Variants in ANKRD18A observed in about 807,000 individuals in gnomAD.
ANKRD18A encodes the protein ankyrin repeat domain-containing protein 18A.
In ANKRD18A, 72 loss-of-function variants were observed where a neutral mutation model predicts 110.6. That is an observed-to-expected ratio of 0.65 (90% CI 0.54 to 0.79). ANKRD18A has a LOEUF of 0.79. ANKRD18A is among the 30% of genes least tolerant of loss of function. ANKRD18A has a pLI of 0.00. For missense variants in ANKRD18A, 934 were observed against 1,163.3 expected, an observed-to-expected ratio of 0.80 and a Z score of 2.87; for synonymous variants, 305 against 410.3, an observed-to-expected ratio of 0.74 and a Z score of 3.10.
rs375586322 is a variant in ANKRD18A at position 38,615,717 on chromosome 9, G to A, written c.372C>T (p.Gly124=). Residue 124 remains glycine (G), a synonymous_variant, in exon 3 of 16, where the codon GGC becomes GGT. Coordinates refer to ENST00000399703, the MANE Select transcript of ANKRD18A (RefSeq NM_147195.4). Reference sequence around the variant, plus strand: ...AGATATCCTCAATGTTTGGATTGGCGCCACATTCCAGGAGAACGATGGCAC... The same window carrying A: ...AGATATCCTCAATGTTTGGATTGGCACCACATTCCAGGAGAACGATGGCAC... The part of the protein sequence containing the change: ...EACAIVLLEC[G]ANPNIEDIYG... The A allele has an allele frequency of 5.3e-5, 86 of 1,612,728 alleles. No individual in the cohort carries two copies. Among genetic ancestry groups the A allele is most frequent in the African/African-American group, 1.1e-4 (8 of 74,886 alleles).
downstream of ANKRD18A, among the ~76,000 whole-genome samples, chr9:38,570,954 G>A (rs1470399879): frequency 6.6e-6 from 1 of 152,244 alleles, no homozygotes; most frequent in Non-Finnish European, 1.5e-5. Flanking sequence ...TGGCAGACAA[G>A]ACATCCTGTG....
At chr9:38,583,899 G>A (rs1824264296) in intron 12 of ANKRD18A, among the ~76,000 whole-genome samples, 1 of 152,188 alleles carries the variant, frequency 6.6e-6, no homozygotes, top group South Asian at 2.1e-4. Flanking sequence ...AGGCCCACAA[G>A]TGTCTACACC....
chr9:38,576,599 C>G (rs1156302652), intron 14 of ANKRD18A, among the ~76,000 whole-genome samples: 7 of 152,158 alleles, frequency 4.6e-5, no homozygotes, highest in Admixed American at 4.6e-4. Context: ...AGATCACAAT[C>G]AAAAACAGTC....
chr9:38,613,612 C>A (rs1415919038), intron 3 of ANKRD18A, among the ~76,000 whole-genome samples: 1 of 152,140 alleles, frequency 6.6e-6, no homozygotes, highest in Non-Finnish European at 1.5e-5. Flanking sequence ...ACCAAATGGA[C>A]AATTAGTTCA....
At chr9:38,617,302 C>T (rs1359541761) in intron 1 of ANKRD18A, among the ~76,000 whole-genome samples, 11 of 151,894 alleles carry the variant, frequency 7.2e-5, no homozygotes, top group Non-Finnish European at 1.3e-4. Flanking sequence ...TAGCTGGGTG[C>T]GGTGGCAGGC....
At chr9:38,609,996 C>G (rs1206810140) in intron 5 of ANKRD18A, among the ~76,000 whole-genome samples, 1 of 150,836 alleles carries the variant, frequency 6.6e-6, no homozygotes, top group East Asian at 1.9e-4. Context: ...GACATTATTT[C>G]TATCTCACAT....
At chr9:38,582,946 A>G (rs1824224927) in intron 12 of ANKRD18A, among the ~76,000 whole-genome samples, 1 of 152,264 alleles carries the variant, frequency 6.6e-6, no homozygotes. Context: ...TATAGGATAT[A>G]TAAAGAACCC....
At chr9:38,569,219 G>A, downstream of ANKRD18A, 2 of 980,846 alleles carry the variant, frequency 2.0e-6, no homozygotes, top group Non-Finnish European at 2.4e-6. Flanking sequence ...GGTCCTGGGG[G>A]TGTCCAGAGG....
rs372036469 is a variant in ANKRD18A at position 38,603,365 on chromosome 9, G to A, written c.809-153C>T. On this transcript the variant is annotated intron_variant, in intron 6 of 15. Coordinates refer to ENST00000399703, the MANE Select transcript of ANKRD18A (RefSeq NM_147195.4). ...CACTCATCACCACAAATTTAAAAGT[G>A]AATGGCATCTAATGAACATACCAAA... Among the ~76,000 whole-genome samples, 8 of 152,230 alleles carry A rather than the reference G, an allele frequency of 5.3e-5. No individual in the cohort carries two copies. In the South Asian group the frequency reaches 1.0e-3, roughly 20 times the overall value.
Position 38,595,587 on chromosome 9 carries a change from T to C in ANKRD18A, c.1753A>G (p.Lys585Glu). The stretch of plus-strand genomic sequence containing the variant: ...TTTCTTTCTTCTAGAAGATCTTCCT[T>C]TCCATTCTCAAGACAGTCTCTGTGG... ...NIHRDCLENG[K>E]EDLLEERNKE... Residue 585 changes from lysine to glutamate, a missense_variant, in exon 9 of 16, where the codon AAG becomes GAG. Lys to Glu is a moderately conservative substitution (Grantham distance 56). Coordinates refer to ENST00000399703, the MANE Select transcript of ANKRD18A (RefSeq NM_147195.4). 1 of 1,550,024 alleles carries C rather than the reference T, an allele frequency of 6.5e-7. No individual in the cohort carries two copies. Among genetic ancestry groups the C allele is most frequent in the Non-Finnish European group, 8.7e-7 (1 of 1,146,264 alleles).
chr9:38,572,295 G>A (rs1264270504), intron 15 of ANKRD18A: 1 of 342,814 alleles, frequency 2.9e-6, no homozygotes, highest in Non-Finnish European at 5.4e-6. Context: ...CACGTGCTAA[G>A]GTACTAGAGC....
intron 7 of ANKRD18A, 63 bp from the exon 8 acceptor site, chr9:38,601,267 G>C (rs1239215050): frequency 2.1e-6 from 3 of 1,410,112 alleles, no homozygotes; most frequent in Non-Finnish European, 2.9e-6. Flanking sequence ...TATAAAAATT[G>C]ATACAGAACA....
Position 38,571,675 on chromosome 9 carries a change from A to G in ANKRD18A, c.*370T>C, listed in dbSNP as rs1823648489. 4 of 1,027,610 alleles carry G rather than the reference A, an allele frequency of 3.9e-6. No individual in the cohort carries two copies. The South Asian group carries it at 1.6e-4, about 42-fold the overall frequency. The allele number at this position is 1,027,610 out of a possible 1,614,324, so 63.7% of individuals were successfully genotyped here. A position where few individuals can be genotyped will look rare whatever the true frequency, so the allele number is the denominator to read the frequency against. ...AAAGAAGCCCTCGATGACCTTTACT[A>G]AAGTATCAATGATGACTTGGTTGTT... On this transcript the variant is annotated 3_prime_UTR_variant, in exon 16 of 16. Transcript: ENST00000399703.
intron 10 of ANKRD18A, among the ~76,000 whole-genome samples, chr9:38,589,746 C>T: frequency 6.6e-6 from 1 of 152,208 alleles, no homozygotes; most frequent in East Asian, 1.9e-4. Context: ...GTTGGCCATG[C>T]TGGTATTGAA....
chr9:38,615,501 C>T (rs1303926502), intron 3 of ANKRD18A, 93 bp downstream of exon 3: 79 of 1,407,018 alleles, frequency 5.6e-5, no homozygotes, highest in Non-Finnish European at 7.1e-5. Context: ...CATTTTCATT[C>T]AGGAATACTT....
Position 38,610,261 on chromosome 9 carries a change from A to C in ANKRD18A, c.740+12T>G, listed in dbSNP as rs758009146. ...ATTTAGTATTAACCGGTCTTTTAAT[A>C]TAAGCACATACCTTCTCAAATCAGA... is the stretch of plus-strand genomic sequence containing the variant. On this transcript the variant is annotated intron_variant, in intron 5 of 15. Transcript: ENST00000399703. 46 of 1,513,180 alleles carry C rather than the reference A, an allele frequency of 3.0e-5. No homozygotes were observed. The highest frequency in any genetic ancestry group is 3.9e-5 in the Non-Finnish European group (44 of 1,134,392). 93.7% of individuals were successfully genotyped at this position (1,513,180 alleles called of 1,614,324 possible).
chr9:38,599,011 C>T (rs1231174187), intron 8 of ANKRD18A, among the ~76,000 whole-genome samples: 1 of 152,194 alleles, frequency 6.6e-6, no homozygotes, highest in Non-Finnish European at 1.5e-5. Flanking sequence ...GCATATCAAA[C>T]TCTTGGTCTT....
intron 12 of ANKRD18A, among the ~76,000 whole-genome samples, chr9:38,578,759 C>T (rs1443617472): frequency 1.3e-5 from 2 of 152,118 alleles, no homozygotes; most frequent in Admixed American, 1.3e-4. Context: ...TGGCTCAGGC[C>T]TGTAGACCCA....
At chr9:38,576,235 C>T (rs1210562646) in intron 14 of ANKRD18A, among the ~76,000 whole-genome samples, 2 of 152,186 alleles carry the variant, frequency 1.3e-5, no homozygotes, top group Non-Finnish European at 2.9e-5. Context: ...CACCCTTGTA[C>T]ATTTCACCCA....
Sources: gnomAD v4.1 joint callset for allele counts (sites outside exome capture counted in the v4.1 genomes callset) on GRCh38, gnomAD v4.1.1 for gene constraint, MANE v1.5 for transcripts, NCBI Gene and HGNC (gene_info 2026-07-23, HGNC 2026-07-21) for gene names.